The following RAD51B variants were observed in gnomAD, a reference collection of about 807,000 sequenced individuals.
RAD51B encodes RAD51 paralog B.
A neutral mutation model predicts 42.2 loss-of-function variants in RAD51B; 38 were observed. That is an observed-to-expected ratio of 0.90 (90% CI 0.70 to 1.18). The LOEUF is 1.18. Ranked by LOEUF, RAD51B falls within the 50% of genes most tolerant of loss-of-function variation. RAD51B has a pLI of 0.00. For missense variants in RAD51B, 373 were observed against 400.7 expected, an observed-to-expected ratio of 0.93 and a Z score of 0.59; for synonymous variants, 154 against 145.2, an observed-to-expected ratio of 1.06 and a Z score of -0.43.
At chr14:68,087,337 A>G (rs769624980) in intron 7 of RAD51B, among the ~76,000 whole-genome samples, 12 of 152,140 alleles carry the variant, frequency 7.9e-5, no homozygotes, top group Non-Finnish European at 1.5e-4. Flanking sequence ...TCAGAGTAGC[A>G]GGGTGTTCTG....
chr14:68,272,760 A>T (rs1161417319), intron 7 of RAD51B, among the ~76,000 whole-genome samples: 1 of 130,610 alleles, frequency 7.7e-6, no homozygotes, highest in Non-Finnish European at 1.6e-5. Flanking sequence ...ATCTCGGCTC[A>T]CTGCAGGCTC....
intron 11 of RAD51B, among the ~76,000 whole-genome samples, chr14:68,680,008 T>A (rs538959099): frequency 2.0e-5 from 3 of 151,644 alleles, no homozygotes; most frequent in Non-Finnish European, 4.4e-5. Flanking sequence ...AGACGCATTT[T>A]GGAACTTCAC....
chr14:68,194,687 A>T (rs1380846715), intron 7 of RAD51B, among the ~76,000 whole-genome samples: 1 of 152,204 alleles, frequency 6.6e-6, no homozygotes, highest in Admixed American at 6.5e-5. Context: ...GAACTTTTTG[A>T]GTCTTTTGCA....
chr14:68,534,896 TTGAGCACTAA>T (rs1042129932), intron 10 of RAD51B, among the ~76,000 whole-genome samples: 4 of 152,200 alleles, frequency 2.6e-5, no homozygotes, highest in African/African-American at 9.7e-5. Flanking sequence ...CTAATATTTA[TTGAGCACTAA>T]TGTGCCAAGG....
intron 7 of RAD51B, among the ~76,000 whole-genome samples, chr14:68,077,382 G>C (rs2076850672): frequency 6.6e-6 from 1 of 152,180 alleles, no homozygotes; most frequent in Non-Finnish European, 1.5e-5. Context: ...CTGTCCAGTA[G>C]ACTGGTCATT....
At chr14:68,599,836 C>T (rs932334121), downstream of RAD51B, among the ~76,000 whole-genome samples, 1 of 152,226 alleles carries the variant, frequency 6.6e-6, no homozygotes. Flanking sequence ...TTCCTCCTTT[C>T]GGAACCACTT....
At chr14:68,193,455 T>C (rs922754533) in intron 7 of RAD51B, among the ~76,000 whole-genome samples, 1 of 152,178 alleles carries the variant, frequency 6.6e-6, no homozygotes, top group Non-Finnish European at 1.5e-5. Context: ...ATAATTGGCT[T>C]GGCACAAAAT....
chr14:67,825,120 T>C (rs2040779174), intron 2 of RAD51B, among the ~76,000 whole-genome samples: 1 of 149,850 alleles, frequency 6.7e-6, no homozygotes, highest in South Asian at 2.1e-4. Flanking sequence ...AAAGAAACTC[T>C]TTCAACCTGA....
At chr14:68,200,336 CTT>C (rs915799210) in intron 7 of RAD51B, among the ~76,000 whole-genome samples, 1 of 152,174 alleles carries the variant, frequency 6.6e-6, no homozygotes, top group African/African-American at 2.4e-5. Context: ...TCTTACCTCT[CTT>C]TGAAAAGATG....
chr14:67,967,372 CA>C (rs1364816251), intron 7 of RAD51B, among the ~76,000 whole-genome samples: 7 of 152,164 alleles, frequency 4.6e-5, no homozygotes, highest in African/African-American at 1.7e-4. Context: ...TATAGTCCCA[CA>C]AAGTCTTAAC....
intron 7 of RAD51B, among the ~76,000 whole-genome samples, chr14:67,950,988 G>C (rs186811824): frequency 5.3e-5 from 8 of 152,178 alleles, no homozygotes; most frequent in Admixed American, 2.6e-4. Context: ...CATCGTACAG[G>C]AGTGTGGTTG....
At chr14:68,576,217 G>T (rs1566943023) in intron 10 of RAD51B, among the ~76,000 whole-genome samples, 1 of 152,176 alleles carries the variant, frequency 6.6e-6, no homozygotes, top group Non-Finnish European at 1.5e-5. Context: ...GACACAAAAG[G>T]AAGCTAGAGG....
intron 7 of RAD51B, among the ~76,000 whole-genome samples, chr14:68,018,177 C>T (rs933503922): frequency 6.6e-6 from 1 of 152,134 alleles, no homozygotes; most frequent in Non-Finnish European, 1.5e-5. Context: ...GCTTGTCTCA[C>T]TTTGTGAAGG....
chr14:68,303,833 G>A (rs867268021), intron 8 of RAD51B, among the ~76,000 whole-genome samples: 3 of 152,220 alleles, frequency 2.0e-5, no homozygotes, highest in Middle Eastern at 3.4e-3. Flanking sequence ...CTATAACTCT[G>A]CTAGGATGTG....
chr14:67,997,911 T>A (rs190873896), intron 7 of RAD51B, among the ~76,000 whole-genome samples: 1 of 152,358 alleles, frequency 6.6e-6, no homozygotes, highest in East Asian at 1.9e-4. Flanking sequence ...AAATTGTGAA[T>A]GTGATGCTGA....
chr14:68,351,013 C>T (rs868867827), intron 8 of RAD51B, among the ~76,000 whole-genome samples: 1 of 152,180 alleles, frequency 6.6e-6, no homozygotes, highest in South Asian at 2.1e-4. Context: ...TCAGTAGCTC[C>T]ACTGAATTCA....
chr14:68,385,149 G>C (rs1215118411), intron 8 of RAD51B, among the ~76,000 whole-genome samples: 1 of 152,060 alleles, frequency 6.6e-6, no homozygotes, highest in African/African-American at 2.4e-5. Context: ...CCAGGTCTCG[G>C]GGGAACAGTG....
chr14:67,849,345 A>C (rs975880147), intron 4 of RAD51B, among the ~76,000 whole-genome samples: 2 of 151,994 alleles, frequency 1.3e-5, no homozygotes, highest in African/African-American at 4.8e-5. Flanking sequence ...GCAATGGCGC[A>C]AACTCGACTC....
intron 7 of RAD51B, among the ~76,000 whole-genome samples, chr14:68,194,320 A>G (rs955858766): frequency 2.0e-5 from 3 of 152,198 alleles, no homozygotes; most frequent in African/African-American, 7.2e-5. Context: ...TTTTACTGCT[A>G]TTCCAGGCAA....
Sources: allele counts gnomAD v4.1 joint callset (sites outside exome capture counted in the v4.1 genomes callset), GRCh38; gene constraint gnomAD v4.1.1; transcripts MANE v1.5; gene names NCBI Gene and HGNC (gene_info 2026-07-23, HGNC 2026-07-21).